The following CCSER1 variants were observed in gnomAD, a reference collection of about 807,000 sequenced individuals.
CCSER1 encodes the protein serine-rich coiled-coil domain-containing protein 1.
CCSER1 carries 41 observed loss-of-function variants against 82.0 expected under a neutral mutation model. That is an observed-to-expected ratio of 0.50 (90% CI 0.39 to 0.65). The LOEUF (loss-of-function observed/expected upper bound fraction) is 0.65. Ranked by LOEUF, CCSER1 falls within the 30% of genes least tolerant of loss-of-function variation. The probability of loss-of-function intolerance (pLI) is 0.00; values close to 1 mark genes in which losing one functional copy is unlikely to be tolerated. For missense variants in CCSER1, 1,119 were observed against 1,064.2 expected (o/e 1.05, Z -0.72); for synonymous variants, 414 against 383.9 (o/e 1.08, Z -0.92).
chr4:90,736,915 A>AT (rs1049569345), intron 7 of CCSER1, among the ~76,000 whole-genome samples: 3 of 152,012 alleles, frequency 2.0e-5, no homozygotes, highest in African/African-American at 4.8e-5. Flanking sequence ...CTTATAACCC[A>AT]TTTTTTTAAA....
chr4:90,896,812 A>G (rs1329525512), intron 8 of CCSER1, among the ~76,000 whole-genome samples: 1 of 151,994 alleles, frequency 6.6e-6, no homozygotes, highest in Non-Finnish European at 1.5e-5. Context: ...GATTAATTCT[A>G]TTCTTACAAT....
chr4:90,696,421 T>TA lies in CCSER1; in HGVS notation c.1933-27490dup, dbSNP rs1737005069. The stretch of plus-strand genomic sequence containing the variant: ...TAATTTTTTTTTAATGCCATGAAGA[T>TA]AAAGGTGTTTAAGTCCTGTTAAGCA... On this transcript the variant is annotated intron_variant, in intron 6 of 10. Coordinates refer to ENST00000509176, the MANE Select transcript of CCSER1 (RefSeq NM_001145065.2). Among the ~76,000 whole-genome samples, 3 of 152,064 alleles carry TA rather than the reference T, an allele frequency of 2.0e-5. No homozygotes were observed. The South Asian group carries it at 6.2e-4, about 31-fold the overall frequency.
At chr4:91,099,012 A>T (rs937802168) in intron 10 of CCSER1, among the ~76,000 whole-genome samples, 1 of 152,204 alleles carries the variant, frequency 6.6e-6, no homozygotes, top group African/African-American at 2.4e-5. Context: ...ATAGGAGATA[A>T]CTATACTTAT....
At chr4:91,407,380 T>G (rs1560647485) in intron 10 of CCSER1, among the ~76,000 whole-genome samples, 1 of 152,176 alleles carries the variant, frequency 6.6e-6, no homozygotes, top group Non-Finnish European at 1.5e-5. Context: ...ACGCATCCTG[T>G]ACCCGGGGTT....
intron 4 of CCSER1, among the ~76,000 whole-genome samples, chr4:90,450,461 C>G (rs529640311): frequency 6.6e-6 from 1 of 151,968 alleles, no homozygotes; most frequent in South Asian, 2.1e-4. Context: ...GACAAAGATG[C>G]CTTATGGTGA....
Position 91,441,429 on chromosome 4 carries a change from G to C in CCSER1, c.2218-157143G>C, listed in dbSNP as rs924165791. On this transcript the variant is annotated intron_variant, in intron 10 of 10. Coordinates refer to ENST00000509176, the MANE Select transcript of CCSER1 (RefSeq NM_001145065.2). ...TTGACAAAATTCAACAACCCTTCAT[G>C]CTAAAAATTCTCAATAAATTAGGTA... Among the ~76,000 whole-genome samples the C allele has an allele frequency of 2.3e-3, 357 of 152,020 alleles. 1 individual carries two copies. The highest frequency in any genetic ancestry group is 3.8e-3 in the Non-Finnish European group (260 of 67,970).
rs534778194 is a variant in CCSER1, at chr4:91,058,292, A to G, written c.2173-27658A>G. ...CTTTACATGGTGTATTACATACACC[A>G]TGGAATACTATGCAGCTTTAAAAAA... On this transcript the variant is annotated intron_variant, in intron 9 of 10. Coordinates refer to ENST00000509176, the MANE Select transcript of CCSER1 (RefSeq NM_001145065.2). 3.1e-3 allele frequency among the ~76,000 whole-genome samples: 471 copies of G among 152,174 alleles called. 3 individuals carry two copies. Among genetic ancestry groups the G allele is most frequent in the Middle Eastern group, 6.8e-3 (2 of 294 alleles).
At chr4:90,528,869 C>T (rs1186556346) in intron 5 of CCSER1, among the ~76,000 whole-genome samples, 21 of 152,116 alleles carry the variant, frequency 1.4e-4, no homozygotes, top group Admixed American at 1.4e-3. Flanking sequence ...CAACCAGTTT[C>T]CATTGTTGAT....
chr4:90,482,505 A>G (rs1209237134), intron 5 of CCSER1, among the ~76,000 whole-genome samples: 7 of 152,150 alleles, frequency 4.6e-5, no homozygotes, highest in Admixed American at 3.9e-4. Context: ...TCTTGTGGGC[A>G]TTTAGTGCTA....
intron 6 of CCSER1, among the ~76,000 whole-genome samples, chr4:90,720,310 A>AG (rs1458749218): frequency 6.7e-6 from 1 of 149,024 alleles, no homozygotes; most frequent in Non-Finnish European, 1.5e-5. Flanking sequence ...TTAAAAAAAA[A>AG]CACAAGACCT....
At chr4:91,017,580 T>TTATA (rs1484243204) in intron 9 of CCSER1, among the ~76,000 whole-genome samples, 1 of 152,094 alleles carries the variant, frequency 6.6e-6, no homozygotes, top group Admixed American at 6.6e-5. Flanking sequence ...ATGTCAGAGT[T>TTATA]TATAGTATCC....
intron 10 of CCSER1, among the ~76,000 whole-genome samples, chr4:91,344,634 G>A (rs748581328): frequency 3.3e-5 from 5 of 149,328 alleles, no homozygotes; most frequent in Middle Eastern, 3.4e-3. Context: ...CTCAAACTTT[G>A]GAGTCTACAA....
At chr4:90,978,545 T>A (rs2150414874) in intron 9 of CCSER1, among the ~76,000 whole-genome samples, 1 of 150,942 alleles carries the variant, frequency 6.6e-6, no homozygotes, top group Non-Finnish European at 1.5e-5. Context: ...TAATTTAGAT[T>A]CAGGGAATGT....
At chr4:90,545,468 A>G (rs947809902) in intron 5 of CCSER1, among the ~76,000 whole-genome samples, 8 of 152,120 alleles carry the variant, frequency 5.3e-5, no homozygotes, top group African/African-American at 1.9e-4. Context: ...TCTTAAAATG[A>G]TATTCCATTG....
At chr4:91,200,289 C>G (rs1321185315) in intron 10 of CCSER1, among the ~76,000 whole-genome samples, 1 of 151,682 alleles carries the variant, frequency 6.6e-6, no homozygotes, top group Admixed American at 6.6e-5. Flanking sequence ...TGACTGTTAC[C>G]ACAAATTTTT....
intron 6 of CCSER1, among the ~76,000 whole-genome samples, chr4:90,723,200 G>A (rs971191933): frequency 6.6e-6 from 1 of 151,902 alleles, no homozygotes; most frequent in African/African-American, 2.4e-5. Flanking sequence ...TTTTAGAAAA[G>A]TAAATTAATG....
At chr4:90,659,966 T>C (rs185380529) in intron 6 of CCSER1, among the ~76,000 whole-genome samples, 1 of 152,008 alleles carries the variant, frequency 6.6e-6, no homozygotes, top group Admixed American at 6.5e-5. Context: ...TTAGTGAGGT[T>C]TTTTGTTGTT....
At chr4:91,287,443 G>C (rs1743368527) in intron 10 of CCSER1, among the ~76,000 whole-genome samples, 1 of 151,676 alleles carries the variant, frequency 6.6e-6, no homozygotes, top group South Asian at 2.1e-4. Flanking sequence ...ATATAGCTTT[G>C]ATTTTATTTG....
At chr4:91,441,373 A>G (rs1427654782) in intron 10 of CCSER1, among the ~76,000 whole-genome samples, 1 of 152,214 alleles carries the variant, frequency 6.6e-6, no homozygotes, top group Non-Finnish European at 1.5e-5. Context: ...CAAAAACCAC[A>G]TGATTATCTC....
Sources: gnomAD v4.1 joint callset for allele counts (sites outside exome capture counted in the v4.1 genomes callset) on GRCh38, gnomAD v4.1.1 for gene constraint, MANE v1.5 for transcripts, NCBI Gene and HGNC (gene_info 2026-07-23, HGNC 2026-07-21) for gene names.